VWA8: variants seen among roughly 807,000 people sequenced by gnomAD.
VWA8 encodes von Willebrand factor A domain containing 8.
Under a neutral mutation model 241.5 loss-of-function variants are expected in VWA8, and 221 were observed. That is an observed-to-expected ratio of 0.91 (90% CI 0.82 to 1.02). The LOEUF is 1.02. Among genes scored for constraint, VWA8 ranks in the 50% least tolerant of loss-of-function variants. The pLI, the probability that VWA8 is intolerant of heterozygous loss-of-function variation, is 0.00. For missense variants in VWA8, 2,322 were observed against 2,328.7 expected, an observed-to-expected ratio of 1.00 and a Z score of 0.06; for synonymous variants, 852 against 827.1, an observed-to-expected ratio of 1.03 and a Z score of -0.52.
chr13:41,774,916 C>T (rs17534452), intron 20 of VWA8, among the ~76,000 whole-genome samples: 1,725 of 152,134 alleles, frequency 0.011, 16 homozygotes, highest in Middle Eastern at 0.051. Context: ...TCTTTGGGTA[C>T]CCAGCTTATT....
intron 43 of VWA8, among the ~76,000 whole-genome samples, chr13:41,572,318 A>G (rs1156607457): frequency 6.6e-6 from 1 of 152,244 alleles, no homozygotes; most frequent in Non-Finnish European, 1.5e-5. Context: ...CAGCTCATTG[A>G]GAATGGGCCA....
chr13:41,832,536 T>C (rs1184199734), intron 13 of VWA8, among the ~76,000 whole-genome samples: 1 of 152,052 alleles, frequency 6.6e-6, no homozygotes, highest in African/African-American at 2.4e-5. Context: ...GAATTTTTAA[T>C]TACATTCAGT....
At chr13:41,959,367 AT>A (rs1299741067) in intron 1 of VWA8, among the ~76,000 whole-genome samples, 1 of 152,068 alleles carries the variant, frequency 6.6e-6, no homozygotes, top group Non-Finnish European at 1.5e-5. Flanking sequence ...CCTATAGTTT[AT>A]GCTATACTTC....
chr13:41,859,423 T>A (rs1001797964), intron 12 of VWA8, among the ~76,000 whole-genome samples: 39 of 152,160 alleles, frequency 2.6e-4, no homozygotes, highest in Admixed American at 5.2e-4. Flanking sequence ...TTTCAACATA[T>A]TTTAGACCAC....
chr13:41,646,807 TA>T (rs1233436748), intron 37 of VWA8, among the ~76,000 whole-genome samples: 1 of 152,238 alleles, frequency 6.6e-6, no homozygotes, highest in African/African-American at 2.4e-5. Context: ...AGAAGGTTAG[TA>T]AAATACTGTA....
rs370473096 is a variant in VWA8 at position 41,761,107 on chromosome 13, T to C, written c.2426+21A>G. Reference sequence around the variant, plus strand: ...ATGATTAAATGAGATTTTTAAGAGGTTGTGGGTCTAATAGTCTTACCTGTG... The same window carrying C: ...ATGATTAAATGAGATTTTTAAGAGGCTGTGGGTCTAATAGTCTTACCTGTG... On this transcript the variant is annotated intron_variant, in intron 21 of 44. Transcript: ENST00000379310. 314 of 1,602,994 alleles carry C rather than the reference T, an allele frequency of 2.0e-4. 1 individual carries two copies. Among genetic ancestry groups the C allele is most frequent in the Admixed American group, 2.8e-4 (16 of 58,164 alleles).
At chr13:41,576,886 G>C (rs2044354091) in intron 42 of VWA8, among the ~76,000 whole-genome samples, 1 of 152,178 alleles carries the variant, frequency 6.6e-6, no homozygotes, top group South Asian at 2.1e-4. Flanking sequence ...TCTTTTCATA[G>C]TTGGCTCTGG....
At chr13:41,663,156 T>C (rs1332910103) in intron 37 of VWA8, among the ~76,000 whole-genome samples, 1 of 152,076 alleles carries the variant, frequency 6.6e-6, no homozygotes, top group Non-Finnish European at 1.5e-5. Flanking sequence ...TTCCACTGTA[T>C]TCAGAACTGG....
chr13:41,947,675 C>T (rs1421960054), intron 2 of VWA8, among the ~76,000 whole-genome samples: 1 of 152,060 alleles, frequency 6.6e-6, no homozygotes. Context: ...TGGCTCATGC[C>T]AGTAAACCCA....
chr13:41,571,328 G>GTCTCCCCCTCCC (rs2044301801), intron 43 of VWA8, among the ~76,000 whole-genome samples: 1 of 98,462 alleles, frequency 1.0e-5, no homozygotes, highest in African/African-American at 4.2e-5. Flanking sequence ...TCCCTCTCCC[G>GTCTCCCCCTCCC]TCTCCCTCTC....
intron 29 of VWA8, among the ~76,000 whole-genome samples, chr13:41,693,233 T>C (rs2045191932): frequency 6.6e-6 from 1 of 152,034 alleles, no homozygotes; most frequent in African/African-American, 2.4e-5. Context: ...ATGCAGAAGG[T>C]ATTCTCTTTA....
chr13:41,742,094 G>A (rs750439555), intron 21 of VWA8, among the ~76,000 whole-genome samples: 108 of 152,218 alleles, frequency 7.1e-4, no homozygotes, highest in Non-Finnish European at 1.5e-3. Context: ...ATGGAAGGAT[G>A]TAGAGCTAGA....
At chr13:41,931,127 C>T (rs1012601525) in intron 2 of VWA8, among the ~76,000 whole-genome samples, 3 of 133,934 alleles carry the variant, frequency 2.2e-5, no homozygotes, top group African/African-American at 8.6e-5. Flanking sequence ...CCAGCCTGGG[C>T]AACAGAGTGA....
chr13:41,604,670 C>T (rs1207006734), intron 40 of VWA8, among the ~76,000 whole-genome samples: 1 of 152,122 alleles, frequency 6.6e-6, no homozygotes, highest in African/African-American at 2.4e-5. Context: ...CACAGCTTGG[C>T]TCCCAACCTT....
intron 6 of VWA8, 129 bp downstream of exon 6, chr13:41,887,068 T>G: frequency 8.6e-7 from 1 of 1,156,900 alleles, no homozygotes; most frequent in South Asian, 1.7e-5. Flanking sequence ...CTTTACTCTT[T>G]ATTCTCATAT....
Position 41,690,211 on chromosome 13 carries a change from CAT to C in VWA8, c.3929_3930del (p.Tyr1310CysfsTer24). 6.2e-7 allele frequency: 1 copy of C among 1,612,788 alleles called. No homozygotes were observed. The highest frequency in any genetic ancestry group is 8.5e-7 in the Non-Finnish European group (1 of 1,179,094). ...GTGCTGGGCGGCTCCTCTTTCAGCA[CAT>C]ACAACTGGCAAACCCCACTACCCTC... ...ESEGSGVCQL[Y>X]VLKEEPPSTG... On this transcript the variant is annotated frameshift_variant, in exon 33 of 45. Transcript: ENST00000379310. LOFTEE classifies it high-confidence loss of function.
In VWA8 at chr13:41,955,041, T is replaced by G. The variant is rs79703281; in HGVS notation, c.164-5028A>C. Among the ~76,000 whole-genome samples, 778 of 152,332 alleles carry G rather than the reference T, an allele frequency of 5.1e-3. 11 individuals are homozygous for G. Among genetic ancestry groups the G allele is most frequent in the African/African-American group, 0.018 (742 of 41,578 alleles). On this transcript the variant is annotated intron_variant, in intron 1 of 44. Transcript: ENST00000379310. ...CCCAATACCTGAAACCTACCAGATA[T>G]TCAATAAATGTTTGACAAATGAATA... is the stretch of plus-strand genomic sequence containing the variant.
chr13:41,752,365 G>A (rs80329716), intron 21 of VWA8, among the ~76,000 whole-genome samples: 2,567 of 152,094 alleles, frequency 0.017, 29 homozygotes, highest in Middle Eastern at 0.058. Flanking sequence ...AGGCTCCCAC[G>A]ACACCTGCAC....
intron 4 of VWA8, among the ~76,000 whole-genome samples, chr13:41,899,083 G>A (rs572644854): frequency 1.3e-5 from 2 of 152,370 alleles, no homozygotes; most frequent in East Asian, 3.9e-4. Flanking sequence ...GGGAGCCCAG[G>A]CAGAGGAGGT....
Sources: allele counts gnomAD v4.1 joint callset (sites outside exome capture counted in the v4.1 genomes callset), GRCh38; gene constraint gnomAD v4.1.1; transcripts MANE v1.5; gene names NCBI Gene and HGNC (gene_info 2026-07-23, HGNC 2026-07-21).